CPED1: variants seen among roughly 807,000 people sequenced by gnomAD.
CPED1 encodes cadherin like and PC-esterase domain containing 1.
CPED1 carries 114 observed loss-of-function variants against 128.2 expected under a neutral mutation model. The observed-to-expected ratio is 0.89, with a 90% confidence interval of 0.76 to 1.04. CPED1 has a LOEUF of 1.04. Ranked by LOEUF, CPED1 falls within the 50% of genes least tolerant of loss-of-function variation. The pLI, the probability that CPED1 is intolerant of heterozygous loss-of-function variation, is 0.00. For synonymous variants in CPED1, 462 were observed against 426.7 expected, an observed-to-expected ratio of 1.08 and a Z score of -1.02; for missense variants, 1,211 against 1,207.1, an observed-to-expected ratio of 1.00 and a Z score of -0.05.
chr7:121,054,537 A>G (rs1793443685), intron 4 of CPED1, among the ~76,000 whole-genome samples: 1 of 152,164 alleles, frequency 6.6e-6, no homozygotes, highest in Admixed American at 6.5e-5. Context: ...TTCTGAAGGT[A>G]GGGCATATCT....
chr7:121,288,209 A>G (rs901730086), intron 22 of CPED1, among the ~76,000 whole-genome samples: 1 of 152,226 alleles, frequency 6.6e-6, no homozygotes, highest in Non-Finnish European at 1.5e-5. Flanking sequence ...ACAAATCAAA[A>G]TTGAACTAAT....
chr7:121,194,042 A>AT (rs1438530189), intron 16 of CPED1, among the ~76,000 whole-genome samples: 53 of 107,350 alleles, frequency 4.9e-4, no homozygotes, highest in African/African-American at 1.7e-3. Flanking sequence ...ATATATATAT[A>AT]TATATATTTT....
intron 3 of CPED1, among the ~76,000 whole-genome samples, chr7:121,028,260 G>A (rs1792645500): frequency 6.6e-6 from 1 of 152,156 alleles, no homozygotes; most frequent in African/African-American, 2.4e-5. Flanking sequence ...CTGGTCCTGG[G>A]ACCACGTGTT....
At chr7:121,077,659 TTA>T (rs544690885) in intron 5 of CPED1, among the ~76,000 whole-genome samples, 52 of 150,866 alleles carry the variant, frequency 3.4e-4, no homozygotes, top group African/African-American at 1.0e-3. Context: ...AATGCATACA[TTA>T]TATATATATG....
Position 120,989,731 on chromosome 7 carries a change from G to A in CPED1, c.110G>A (p.Gly37Glu), listed in dbSNP as rs771443560. 3 of 1,613,694 alleles carry A rather than the reference G, an allele frequency of 1.9e-6. No homozygotes were observed. The African/African-American group carries it at 4.0e-5, about 22-fold the overall frequency. The change falls in exon 2 of 23, where the codon GGG becomes GAG. Residue 37 changes from glycine to glutamate, a missense_variant. Physicochemically the swap from Gly to Glu is moderately conservative, Grantham distance 98. Transcript: ENST00000310396. ...CLFYQTLTLR[G>E]SRKLTAAAPG... ...TTCTACCAGACTCTGACCCTCCGAG[G>A]GTCGAGGAAGCTCACAGCCGCTGCC... is the stretch of plus-strand genomic sequence containing the variant.
At chr7:121,097,119 C>A (rs1297642712) in intron 5 of CPED1, among the ~76,000 whole-genome samples, 1 of 152,032 alleles carries the variant, frequency 6.6e-6, no homozygotes, top group Non-Finnish European at 1.5e-5. Flanking sequence ...TATGCAATAA[C>A]TTTATTTTTA....
Position 121,015,819 on chromosome 7 carries a change from C to T in CPED1, c.404C>T (p.Ala135Val). The change falls in exon 3 of 23, where the codon GCT (alanine) becomes GTT (valine). Residue 135 changes from alanine (A) to valine (V), a missense_variant. By Grantham distance (64) the Ala-to-Val change is moderately conservative. Coordinates refer to ENST00000310396, the MANE Select transcript of CPED1 (RefSeq NM_024913.5). ...TVVIAEERLN[A>V]GLGPGLLEQG... The stretch of plus-strand genomic sequence containing the variant: ...GTCATCGCTGAAGAAAGGCTCAATG[C>T]TGGCCTAGGGCCGGGGCTACTAGAA... 6.3e-7 allele frequency: 1 copy of T among 1,585,574 alleles called. No individual in the cohort carries two copies. The highest frequency in any genetic ancestry group is 8.5e-7 in the Non-Finnish European group (1 of 1,170,306).
intron 8 of CPED1, among the ~76,000 whole-genome samples, chr7:121,125,075 G>A (rs1795473391): frequency 6.6e-6 from 1 of 151,918 alleles, no homozygotes; most frequent in Admixed American, 6.6e-5. Context: ...AGGTTTCCAT[G>A]GATTAACTTT....
At chr7:121,245,429 C>T (rs1436944003) in intron 18 of CPED1, among the ~76,000 whole-genome samples, 2 of 152,060 alleles carry the variant, frequency 1.3e-5, no homozygotes, top group African/African-American at 4.8e-5. Context: ...AAATTTGTTA[C>T]ACTTTAAATC....
At chr7:121,170,586 T>C (rs958089055) in intron 16 of CPED1, among the ~76,000 whole-genome samples, 2 of 152,164 alleles carry the variant, frequency 1.3e-5, no homozygotes, top group African/African-American at 2.4e-5. Context: ...ACATACCAGC[T>C]ACAGTGCTGA....
chr7:121,274,824 C>G (rs1562859376), intron 22 of CPED1, among the ~76,000 whole-genome samples: 1 of 152,070 alleles, frequency 6.6e-6, no homozygotes, highest in Non-Finnish European at 1.5e-5. Flanking sequence ...ATCTAAAACT[C>G]TTTATAGAGG....
intron 11 of CPED1, among the ~76,000 whole-genome samples, chr7:121,128,812 G>A (rs1175684789): frequency 2.0e-5 from 3 of 151,964 alleles, no homozygotes; most frequent in African/African-American, 7.2e-5. Flanking sequence ...ACATTTACAT[G>A]CAACCAAAAG....
At position 120,989,890 on chromosome 7, in the gene CPED1, A is replaced by G; in HGVS notation, c.249+20A>G. ...AGAAAGGTAAGACTCTCATAAGCTTAACGGAGACAGTTTCTGCAAAGACAG... is the reference window on the plus strand; with the variant it reads ...AGAAAGGTAAGACTCTCATAAGCTTGACGGAGACAGTTTCTGCAAAGACAG... On this transcript the variant is annotated intron_variant, in intron 2 of 22. Coordinates refer to ENST00000310396, the MANE Select transcript of CPED1 (RefSeq NM_024913.5). 6.2e-7 allele frequency: 1 copy of G among 1,612,598 alleles called. No homozygotes were observed. The highest frequency in any genetic ancestry group is 8.5e-7 in the Non-Finnish European group (1 of 1,179,430).
chr7:121,060,175 C>T (rs552921770), intron 4 of CPED1, among the ~76,000 whole-genome samples: 56 of 152,316 alleles, frequency 3.7e-4, no homozygotes, highest in Non-Finnish European at 5.7e-4. Flanking sequence ...GCGCTGTGCT[C>T]GATTTCTCGC....
At chr7:121,166,070 T>C (rs892034630) in intron 16 of CPED1, among the ~76,000 whole-genome samples, 1 of 152,094 alleles carries the variant, frequency 6.6e-6, no homozygotes, top group Non-Finnish European at 1.5e-5. Flanking sequence ...ACGCTAATTA[T>C]GTAAACACAA....
intron 16 of CPED1, among the ~76,000 whole-genome samples, chr7:121,234,905 G>C (rs932955913): frequency 1.3e-5 from 2 of 152,046 alleles, no homozygotes; most frequent in African/African-American, 4.8e-5. Flanking sequence ...ATGTTACTTA[G>C]TCCATTTAGA....
intron 14 of CPED1, among the ~76,000 whole-genome samples, chr7:121,138,726 A>G (rs1795834937): frequency 6.6e-6 from 1 of 152,040 alleles, no homozygotes; most frequent in Non-Finnish European, 1.5e-5. Context: ...TTTATTTTGA[A>G]AAAAGATCTT....
At chr7:121,129,315 A>ATATATATACACG in intron 11 of CPED1, among the ~76,000 whole-genome samples, 1 of 95,868 alleles carries the variant, frequency 1.0e-5, no homozygotes, top group South Asian at 3.4e-4. Flanking sequence ...ATATATACGT[A>ATATATATACACG]TATATATATA....
chr7:121,272,505 G>T (rs1332524439), intron 22 of CPED1, among the ~76,000 whole-genome samples: 1 of 151,670 alleles, frequency 6.6e-6, no homozygotes. Context: ...TCCTTTTTTG[G>T]CTCCTTGGTA....
Sources: allele counts gnomAD v4.1 joint callset (sites outside exome capture counted in the v4.1 genomes callset), GRCh38; gene constraint gnomAD v4.1.1; transcripts MANE v1.5; gene names NCBI Gene and HGNC (gene_info 2026-07-23, HGNC 2026-07-21).